Variants in NXPE2 observed in about 807,000 individuals in gnomAD.
NXPE2 encodes the protein neurexophilin and PC-esterase domain family member 2.
NXPE2 carries 34 observed loss-of-function variants against 34.4 expected under a neutral mutation model. The ratio of observed to expected loss-of-function variants is 0.99; its 90% confidence interval spans 0.75 to 1.31. The LOEUF is 1.31. Ranked by LOEUF, NXPE2 falls within the 40% of genes most tolerant of loss-of-function variation. NXPE2 has a pLI of 0.00. For synonymous variants in NXPE2, 235 were observed against 231.3 expected (o/e 1.02, Z -0.15); for missense variants, 649 against 672.5 (o/e 0.97, Z 0.39).
At chr11:114,549,642 A>C in the NXPE2 span, among the ~76,000 whole-genome samples, 1 of 152,098 alleles carries the variant, frequency 6.6e-6, no homozygotes, top group African/African-American at 2.4e-5. Context: ...TAAGGGAAAC[A>C]CTAAAGGCTT....
the NXPE2 span, among the ~76,000 whole-genome samples, chr11:114,772,963 T>A: frequency 1.3e-5 from 2 of 152,192 alleles, no homozygotes; most frequent in Non-Finnish European, 2.9e-5. Context: ...AGGGCATGCA[T>A]GAAAATATTC....
At chr11:114,607,261 C>T in the NXPE2 span, among the ~76,000 whole-genome samples, 1 of 151,822 alleles carries the variant, frequency 6.6e-6, no homozygotes. Context: ...ATACGTGTTG[C>T]CTCATGGGTA....
intron 3 of NXPE2, 79 bp from the exon 4 acceptor site, chr11:114,703,912 T>C: frequency 9.8e-7 from 1 of 1,022,354 alleles, no homozygotes; most frequent in Non-Finnish European, 1.5e-6. Context: ...AGAAGAGAGG[T>C]TTAATCCATC....
At chr11:114,510,786 G>A in the NXPE2 span, among the ~76,000 whole-genome samples, 4 of 152,066 alleles carry the variant, frequency 2.6e-5, no homozygotes, top group African/African-American at 4.8e-5. Flanking sequence ...ATATGATAGA[G>A]GATGTCAACA....
At chr11:114,580,372 A>G in the NXPE2 span, 1 of 1,580,280 alleles carries the variant, frequency 6.3e-7, no homozygotes. Context: ...GATCTTCCAA[A>G]ACATCAAATT....
the NXPE2 span, among the ~76,000 whole-genome samples, chr11:114,669,273 A>G: frequency 2.0e-5 from 3 of 152,104 alleles, no homozygotes; most frequent in African/African-American, 4.8e-5. Flanking sequence ...AAAATCTTCT[A>G]TATCTCAGTT....
chr11:114,599,136 A>G, the NXPE2 span, among the ~76,000 whole-genome samples: 4 of 152,172 alleles, frequency 2.6e-5, no homozygotes, highest in East Asian at 7.7e-4. Flanking sequence ...TTTGCTGCTT[A>G]GAAATTTCTT....
At chr11:114,606,908 G>A in the NXPE2 span, among the ~76,000 whole-genome samples, 4 of 152,042 alleles carry the variant, frequency 2.6e-5, no homozygotes, top group South Asian at 8.3e-4. Context: ...CTGTTACCCG[G>A]TGGATAATAA....
At chr11:114,617,647 T>C in the NXPE2 span, among the ~76,000 whole-genome samples, 233 of 152,220 alleles carry the variant, frequency 1.5e-3, no homozygotes, top group African/African-American at 5.2e-3. Context: ...GGATAATAAG[T>C]GTTGCCTCTA....
At chr11:114,787,043 G>A in the NXPE2 span, among the ~76,000 whole-genome samples, 2 of 152,106 alleles carry the variant, frequency 1.3e-5, no homozygotes, top group Admixed American at 1.3e-4. Flanking sequence ...CTAATGTCCT[G>A]CTGCCGCCCG....
At chr11:114,658,563 A>G in the NXPE2 span, among the ~76,000 whole-genome samples, 1 of 152,140 alleles carries the variant, frequency 6.6e-6, no homozygotes, top group Non-Finnish European at 1.5e-5. Flanking sequence ...TTCTTCTAAG[A>G]ACACTAAAGT....
the NXPE2 span, among the ~76,000 whole-genome samples, chr11:114,718,184 C>G: frequency 3.3e-5 from 5 of 152,102 alleles, no homozygotes; most frequent in African/African-American, 1.2e-4. Flanking sequence ...GATTCAAATC[C>G]CAACCTGGTT....
At chr11:114,657,006 A>G in the NXPE2 span, among the ~76,000 whole-genome samples, 1 of 152,164 alleles carries the variant, frequency 6.6e-6, no homozygotes, top group African/African-American at 2.4e-5. Context: ...AGGCAGGAGA[A>G]TGGCATGAAC....
At chr11:114,703,093 T>C (rs1220681221) in intron 3 of NXPE2, among the ~76,000 whole-genome samples, 1 of 152,160 alleles carries the variant, frequency 6.6e-6, no homozygotes, top group Non-Finnish European at 1.5e-5. Context: ...TGAATAATAT[T>C]GACTTGATTC....
chr11:114,721,512 A>T, the NXPE2 span, among the ~76,000 whole-genome samples: 1 of 152,116 alleles, frequency 6.6e-6, no homozygotes, highest in Non-Finnish European at 1.5e-5. Context: ...GCACACCTGC[A>T]TTGAAATTAA....
At chr11:114,633,243 A>C in the NXPE2 span, among the ~76,000 whole-genome samples, 2 of 134,750 alleles carry the variant, frequency 1.5e-5, no homozygotes, top group Admixed American at 8.0e-5. Flanking sequence ...TGTAACATAT[A>C]ATATATAATA....
the NXPE2 span, among the ~76,000 whole-genome samples, chr11:114,639,452 C>T: frequency 6.6e-6 from 1 of 151,654 alleles, no homozygotes; most frequent in Non-Finnish European, 1.5e-5. Context: ...TGCTTCGGCT[C>T]ATGCACGCTG....
chr11:114,613,093 T>C, the NXPE2 span, among the ~76,000 whole-genome samples: 1 of 151,578 alleles, frequency 6.6e-6, no homozygotes, highest in Non-Finnish European at 1.5e-5. Context: ...ATAATAAGCA[T>C]TGCCTCCCAG....
chr11:114,631,802 GATA>G, the NXPE2 span, among the ~76,000 whole-genome samples: 4 of 151,654 alleles, frequency 2.6e-5, no homozygotes, highest in East Asian at 5.8e-4. Flanking sequence ...TTACCCAGTG[GATA>G]ATAAGTATTG....
Sources: allele counts gnomAD v4.1 joint callset (sites outside exome capture counted in the v4.1 genomes callset), GRCh38; gene constraint gnomAD v4.1.1; transcripts MANE v1.5; gene names NCBI Gene and HGNC (gene_info 2026-07-23, HGNC 2026-07-21).